Variants in PTPRT observed in about 807,000 individuals in gnomAD.
PTPRT encodes the protein receptor-type tyrosine-protein phosphatase T.
A neutral mutation model predicts 176.8 loss-of-function variants in PTPRT; 56 were observed. That is an observed-to-expected ratio of 0.32 (90% CI 0.26 to 0.40). The LOEUF (loss-of-function observed/expected upper bound fraction) is 0.40. Ranked by LOEUF, PTPRT falls within the 10% of genes least tolerant of loss-of-function variation. PTPRT has a pLI of 1.00. For synonymous variants in PTPRT, 783 were observed against 739.0 expected (o/e 1.06, Z -0.96); for missense variants, 1,540 against 1,908.2 (o/e 0.81, Z 3.60).
chr20:42,843,047 T>A (rs932060829), intron 2 of PTPRT, among the ~76,000 whole-genome samples: 1 of 152,172 alleles, frequency 6.6e-6, no homozygotes, highest in Non-Finnish European at 1.5e-5. Flanking sequence ...AGTATGACCT[T>A]GGATAAGCTA....
At chr20:42,944,173 T>C (rs1280788131) in intron 1 of PTPRT, among the ~76,000 whole-genome samples, 1 of 152,120 alleles carries the variant, frequency 6.6e-6, no homozygotes, top group Non-Finnish European at 1.5e-5. Context: ...CATGAAGACT[T>C]CTGAGAAACA....
chr20:42,612,980 G>A (rs954408302), intron 7 of PTPRT, among the ~76,000 whole-genome samples: 1 of 152,050 alleles, frequency 6.6e-6, no homozygotes, highest in Admixed American at 6.5e-5. Context: ...ATGCATAGGG[G>A]GAAAAAAGAC....
rs1341154502 is a variant in PTPRT, at chr20:42,248,321, G to A, written c.2312+366C>T. ...TTACTTTCCTGCAACTGCGTTTCTGGACTGATCCATGTTCCTGGGGCTCCC... is the reference window on the plus strand; with the variant it reads ...TTACTTTCCTGCAACTGCGTTTCTGAACTGATCCATGTTCCTGGGGCTCCC... On this transcript the variant is annotated intron_variant, in intron 14 of 30. Coordinates refer to ENST00000373187, the MANE Select transcript of PTPRT (RefSeq NM_007050.6). 2.0e-5 allele frequency among the ~76,000 whole-genome samples: 3 copies of A among 152,306 alleles called. No individual in the cohort carries two copies. The South Asian group carries it at 6.2e-4, about 32-fold the overall frequency.
chr20:42,713,106 G>A (rs779544920), intron 6 of PTPRT, among the ~76,000 whole-genome samples: 2 of 151,702 alleles, frequency 1.3e-5, no homozygotes, highest in Non-Finnish European at 2.9e-5. Flanking sequence ...ATCTACACAT[G>A]AAATACCTTT....
chr20:42,161,289 G>T, intron 17 of PTPRT, 63 bp downstream of exon 17: 2 of 1,589,380 alleles, frequency 1.3e-6, no homozygotes, highest in Non-Finnish European at 1.7e-6. Flanking sequence ...TTGTAGCAAG[G>T]CTTTAGTGCC....
intron 1 of PTPRT, among the ~76,000 whole-genome samples, chr20:43,135,461 G>A (rs1407414211): frequency 6.6e-6 from 1 of 152,192 alleles, no homozygotes; most frequent in African/African-American, 2.4e-5. Flanking sequence ...ACTCAGAAGA[G>A]AGATGAGTCA....
At chr20:42,665,530 T>C (rs890368820) in intron 7 of PTPRT, among the ~76,000 whole-genome samples, 49 of 152,260 alleles carry the variant, frequency 3.2e-4, no homozygotes, top group African/African-American at 1.2e-3. Flanking sequence ...TGGAAGACAG[T>C]GTGGCGATTC....
intron 1 of PTPRT, among the ~76,000 whole-genome samples, chr20:43,070,538 T>C (rs1221753275): frequency 6.6e-6 from 1 of 152,166 alleles, no homozygotes; most frequent in African/African-American, 2.4e-5. Flanking sequence ...ATGTTTATTG[T>C]GGCACTATTC....
intron 6 of PTPRT, among the ~76,000 whole-genome samples, chr20:42,746,781 G>A (rs1287099416): frequency 6.6e-6 from 1 of 152,152 alleles, no homozygotes; most frequent in Non-Finnish European, 1.5e-5. Flanking sequence ...AGGGTTCCAG[G>A]AAAGTCAAGA....
intron 1 of PTPRT, among the ~76,000 whole-genome samples, chr20:42,903,411 T>G (rs545318700): frequency 6.6e-6 from 1 of 152,374 alleles, no homozygotes; most frequent in African/African-American, 2.4e-5. Context: ...CAGATATTGG[T>G]TTATGTACCC....
At chr20:42,992,275 G>A (rs1983957028) in intron 1 of PTPRT, among the ~76,000 whole-genome samples, 1 of 152,112 alleles carries the variant, frequency 6.6e-6, no homozygotes, top group South Asian at 2.1e-4. Flanking sequence ...AATTGAACCC[G>A]GACATTGAAA....
At chr20:42,860,242 T>A (rs2078638652) in intron 2 of PTPRT, among the ~76,000 whole-genome samples, 2 of 152,158 alleles carry the variant, frequency 1.3e-5, no homozygotes, top group African/African-American at 4.8e-5. Context: ...CACCCCTCTG[T>A]TTTAAGGACA....
At chr20:42,452,442 T>C (rs1049249446) in intron 8 of PTPRT, among the ~76,000 whole-genome samples, 6 of 152,150 alleles carry the variant, frequency 3.9e-5, no homozygotes, top group African/African-American at 7.2e-5. Flanking sequence ...TACGGAGGAA[T>C]TGAAGTGTCC....
At chr20:43,117,346 A>G (rs1451495546) in intron 1 of PTPRT, among the ~76,000 whole-genome samples, 1 of 152,226 alleles carries the variant, frequency 6.6e-6, no homozygotes, top group African/African-American at 2.4e-5. Context: ...ACACACTTCT[A>G]GAGTTTGTGT....
intron 1 of PTPRT, among the ~76,000 whole-genome samples, chr20:42,956,342 T>C (rs1981633804): frequency 6.6e-6 from 1 of 152,144 alleles, no homozygotes; most frequent in African/African-American, 2.4e-5. Context: ...CTCGCAATAG[T>C]GATTGAGCTC....
chr20:42,100,230 AC>A (rs1290070485), intron 26 of PTPRT, among the ~76,000 whole-genome samples: 1 of 152,258 alleles, frequency 6.6e-6, no homozygotes, highest in Non-Finnish European at 1.5e-5. Context: ...AGCACGCCTG[AC>A]AAAGCCTTAT....
At chr20:42,272,218 A>C (rs2056948395) in intron 13 of PTPRT, among the ~76,000 whole-genome samples, 2 of 152,210 alleles carry the variant, frequency 1.3e-5, no homozygotes, top group South Asian at 4.1e-4. Context: ...CCATAAACAA[A>C]GTTTTATTGG....
downstream of PTPRT, among the ~76,000 whole-genome samples, chr20:42,070,400 A>G (rs1488015443): frequency 1.3e-5 from 2 of 151,854 alleles, no homozygotes; most frequent in African/African-American, 4.8e-5. Flanking sequence ...GACAGCCAAC[A>G]GACACATAAA....
chr20:42,744,536 C>T (rs528278947), intron 6 of PTPRT, among the ~76,000 whole-genome samples: 1 of 152,170 alleles, frequency 6.6e-6, no homozygotes, highest in Non-Finnish European at 1.5e-5. Flanking sequence ...AGACATTAAG[C>T]CTGTGGGGGT....
Sources: allele counts gnomAD v4.1 joint callset (sites outside exome capture counted in the v4.1 genomes callset), GRCh38; gene constraint gnomAD v4.1.1; transcripts MANE v1.5; gene names NCBI Gene and HGNC (gene_info 2026-07-23, HGNC 2026-07-21).